The following CAMK1D variants were observed in gnomAD, a reference collection of about 807,000 sequenced individuals.
CAMK1D encodes the protein calcium/calmodulin-dependent protein kinase type 1D.
A neutral mutation model predicts 47.7 loss-of-function variants in CAMK1D; 9 were observed. The ratio of observed to expected loss-of-function variants is 0.19; its 90% CI spans 0.11 to 0.33. CAMK1D has a LOEUF of 0.33. Ranked by LOEUF, CAMK1D falls within the 10% of genes least tolerant of loss-of-function variation. The pLI is 1.00. For missense variants in CAMK1D, 291 were observed against 488.7 expected, an observed-to-expected ratio of 0.60 and a Z score of 3.81; for synonymous variants, 184 against 184.9, an observed-to-expected ratio of 0.99 and a Z score of 0.04.
chr10:12,573,103 G>A (rs1837376906), intron 2 of CAMK1D, among the ~76,000 whole-genome samples: 1 of 152,222 alleles, frequency 6.6e-6, no homozygotes, highest in African/African-American at 2.4e-5. Context: ...ACATGGTGCT[G>A]TTCATTTGGA....
At chr10:12,518,398 T>C (rs114555316) in intron 1 of CAMK1D, among the ~76,000 whole-genome samples, 69 of 152,372 alleles carry the variant, frequency 4.5e-4, no homozygotes, top group African/African-American at 1.3e-3. Flanking sequence ...TACTTGGGCT[T>C]AGGGTTGTTC....
chr10:12,529,302 GC>G, intron 1 of CAMK1D, among the ~76,000 whole-genome samples: 1 of 152,280 alleles, frequency 6.6e-6, no homozygotes, highest in African/African-American at 2.4e-5. Flanking sequence ...TGGACCACCT[GC>G]CCAACCAGGT....
At chr10:12,741,806 T>C (rs1835444263) in intron 3 of CAMK1D, among the ~76,000 whole-genome samples, 1 of 152,116 alleles carries the variant, frequency 6.6e-6, no homozygotes, top group South Asian at 2.1e-4. Flanking sequence ...GCCTCAGCCA[T>C]CCCAGAACTT....
intron 1 of CAMK1D, among the ~76,000 whole-genome samples, chr10:12,376,056 G>A (rs1838167906): frequency 1.3e-5 from 2 of 150,928 alleles, no homozygotes; most frequent in African/African-American, 4.9e-5. Context: ...CCAGCTACTC[G>A]GGAGGCTGAG....
In CAMK1D at chr10:12,573,831, C is replaced by CTTTTTTTTTTTTT. The variant is rs34038018; in HGVS notation, c.224+20488_224+20500dup. On this transcript the variant is annotated intron_variant, in intron 2 of 10. Transcript: ENST00000619168. ...CACCATGCCTGGCTTATTAAAAAAACTTTTTTTTTTTTTTTTTTTTTTTTT... is the reference window on the plus strand; with the variant it reads ...CACCATGCCTGGCTTATTAAAAAAACTTTTTTTTTTTTTTTTTTTTTTTTTTTTTTTTTTTTTT... 3.0e-3 allele frequency among the ~76,000 whole-genome samples: 193 copies of CTTTTTTTTTTTTT among 64,078 alleles called. 36 individuals are homozygous for CTTTTTTTTTTTTT. The highest frequency in any genetic ancestry group is 9.7e-3 in the African/African-American group (178 of 18,444). The allele number at this position is 64,078 out of a possible 152,430, so 42.0% of individuals were successfully genotyped here. A position where few individuals can be genotyped will look rare whatever the true frequency, so the allele number is the denominator to read the frequency against.
At chr10:12,379,097 A>G (rs914891181) in intron 1 of CAMK1D, among the ~76,000 whole-genome samples, 1 of 152,106 alleles carries the variant, frequency 6.6e-6, no homozygotes, top group African/African-American at 2.4e-5. Flanking sequence ...GGCAAGAGCC[A>G]CTGCACCTGA....
At chr10:12,804,996 C>A (rs1228105541) in intron 6 of CAMK1D, among the ~76,000 whole-genome samples, 2 of 148,826 alleles carry the variant, frequency 1.3e-5, no homozygotes, top group South Asian at 4.3e-4. Context: ...CGCGGTGGCT[C>A]ACGCCTATAA....
intron 1 of CAMK1D, among the ~76,000 whole-genome samples, chr10:12,390,345 A>T (rs1838679605): frequency 6.6e-6 from 1 of 152,180 alleles, no homozygotes; most frequent in South Asian, 2.1e-4. Flanking sequence ...TGCTGGGATT[A>T]TAGGAACGAG....
intron 4 of CAMK1D, among the ~76,000 whole-genome samples, chr10:12,761,502 G>T (rs113676514): frequency 8.5e-5 from 13 of 152,236 alleles, no homozygotes; most frequent in African/African-American, 2.9e-4. Context: ...GAGAGCAGTG[G>T]TCAGACATCA....
chr10:12,817,603 A>G (rs887925306), intron 8 of CAMK1D, among the ~76,000 whole-genome samples: 5 of 152,246 alleles, frequency 3.3e-5, no homozygotes, highest in Admixed American at 6.5e-5. Flanking sequence ...CAGGGCTGAC[A>G]TAAGAAATAC....
At chr10:12,466,512 G>T (rs550728258) in intron 1 of CAMK1D, among the ~76,000 whole-genome samples, 1 of 152,014 alleles carries the variant, frequency 6.6e-6, no homozygotes, top group South Asian at 2.1e-4. Context: ...TTGAGACCAG[G>T]AATTGGAGGC....
chr10:12,541,573 C>G (rs932141744), intron 1 of CAMK1D, among the ~76,000 whole-genome samples: 1 of 152,118 alleles, frequency 6.6e-6, no homozygotes, highest in African/African-American at 2.4e-5. Context: ...GTTGGTCAGG[C>G]TGGTCTCGAA....
At chr10:12,486,422 T>C (rs1249242728) in intron 1 of CAMK1D, among the ~76,000 whole-genome samples, 1 of 152,158 alleles carries the variant, frequency 6.6e-6, no homozygotes, top group Non-Finnish European at 1.5e-5. Flanking sequence ...TCTCCCAAAG[T>C]GCTGGGACTA....
intron 1 of CAMK1D, among the ~76,000 whole-genome samples, chr10:12,400,698 T>G (rs1839143333): frequency 6.6e-6 from 1 of 152,108 alleles, no homozygotes; most frequent in African/African-American, 2.4e-5. Context: ...GAATCCCCAC[T>G]TGAGGGCTTT....
At chr10:12,648,748 G>A (rs917595821) in intron 2 of CAMK1D, among the ~76,000 whole-genome samples, 5 of 152,168 alleles carry the variant, frequency 3.3e-5, no homozygotes, top group Non-Finnish European at 2.9e-5. Context: ...TGGGATTACA[G>A]GTGTGAGCCA....
chr10:12,463,167 T>C (rs1486313234), intron 1 of CAMK1D, among the ~76,000 whole-genome samples: 1 of 151,742 alleles, frequency 6.6e-6, no homozygotes, highest in Non-Finnish European at 1.5e-5. Flanking sequence ...ATGGAATCTT[T>C]CTCTGTCGTT....
Position 12,633,188 on chromosome 10 carries a change from T to C in CAMK1D, c.225-33548T>C, listed in dbSNP as rs532935823. ...TCATCACTGGAGTGTCATGTTTAGT[T>C]GTGGCTGCCACACTTTGGGAGAAGA... On this transcript the variant is annotated intron_variant, in intron 2 of 10. Coordinates refer to ENST00000619168, the MANE Select transcript of CAMK1D (RefSeq NM_153498.4). 2.6e-5 allele frequency among the ~76,000 whole-genome samples: 4 copies of C among 152,324 alleles called. No homozygotes were observed. In the East Asian group the frequency reaches 5.8e-4, roughly 22 times the overall value.
chr10:12,387,078 C>G (rs1192803154), intron 1 of CAMK1D, among the ~76,000 whole-genome samples: 1 of 151,182 alleles, frequency 6.6e-6, no homozygotes, highest in Non-Finnish European at 1.5e-5. Context: ...ATGGCGGGCA[C>G]CTGTAGTCCC....
intron 1 of CAMK1D, among the ~76,000 whole-genome samples, chr10:12,443,481 A>G (rs1832843132): frequency 6.6e-6 from 1 of 152,190 alleles, no homozygotes; most frequent in African/African-American, 2.4e-5. Context: ...TCCAGACCCC[A>G]AGAGAGGGTT....
Sources: allele counts gnomAD v4.1 joint callset (sites outside exome capture counted in the v4.1 genomes callset), GRCh38; gene constraint gnomAD v4.1.1; transcripts MANE v1.5; gene names NCBI Gene and HGNC (gene_info 2026-07-23, HGNC 2026-07-21).